HHIP: variants seen among roughly 807,000 people sequenced by gnomAD.
HHIP encodes the protein hedgehog-interacting protein.
Under a neutral mutation model 74.0 loss-of-function variants are expected in HHIP, and 12 were observed. The ratio of observed to expected loss-of-function variants is 0.16; its 90% CI spans 0.10 to 0.26. The LOEUF (loss-of-function observed/expected upper bound fraction) is 0.26. HHIP is among the 10% of genes least tolerant of loss of function. The probability of loss-of-function intolerance (pLI) is 1.00; values close to 1 mark genes in which losing one functional copy is unlikely to be tolerated. For synonymous variants in HHIP, 309 were observed against 311.6 expected, an observed-to-expected ratio of 0.99 and a Z score of 0.09; for missense variants, 788 against 845.0, an observed-to-expected ratio of 0.93 and a Z score of 0.84.
At chr4:144,714,983 CCT>C (rs938620239) in intron 9 of HHIP, 3 of 214,226 alleles carry the variant, frequency 1.4e-5, no homozygotes, top group African/African-American at 6.9e-5. Context: ...TTCCCCTGTT[CCT>C]CTCTCTGATT....
chr4:144,722,595 G>A (rs1343168566), intron 11 of HHIP, among the ~76,000 whole-genome samples: 1 of 152,154 alleles, frequency 6.6e-6, no homozygotes, highest in Non-Finnish European at 1.5e-5. Flanking sequence ...GCCCACGCCT[G>A]TAATCCCAGC....
In HHIP at chr4:144,707,236, A is replaced by T; in HGVS notation, c.1133A>T (p.Asp378Val). Reference protein sequence around the residue: ...ILGDGMITLDDMEEMDGLSDF... With the variant: ...ILGDGMITLDVMEEMDGLSDF... ...GGTGATGGGATGATTACACTGGATG[A>T]TATGGAAGAAATGGATGGGTTAAGG... The change falls in exon 6 of 13, where the codon GAT becomes GTT. Residue 378 changes from aspartate to valine, a missense_variant. Asp to Val is a radical substitution (Grantham distance 152). Transcript: ENST00000296575. 1 of 1,612,318 alleles carries T rather than the reference A, an allele frequency of 6.2e-7. No individual in the cohort carries two copies. Among genetic ancestry groups the T allele is most frequent in the Non-Finnish European group, 8.5e-7 (1 of 1,179,344 alleles).
intron 4 of HHIP, among the ~76,000 whole-genome samples, chr4:144,663,289 A>T (rs1728762799): frequency 6.6e-6 from 1 of 151,890 alleles, no homozygotes; most frequent in African/African-American, 2.4e-5. Flanking sequence ...GCGAGACTCC[A>T]TTTCAAAAAA....
At chr4:144,677,653 A>G (rs1729206926) in intron 4 of HHIP, among the ~76,000 whole-genome samples, 1 of 152,216 alleles carries the variant, frequency 6.6e-6, no homozygotes, top group South Asian at 2.1e-4. Context: ...CAATAACAAC[A>G]GACATTCACG....
chr4:144,718,849 C>T, intron 10 of HHIP, 26 bp from the exon 11 acceptor site: 1 of 1,448,242 alleles, frequency 6.9e-7, no homozygotes, highest in Non-Finnish European at 9.7e-7. Context: ...TATAAATTTG[C>T]TTATTGTTAT....
intron 4 of HHIP, among the ~76,000 whole-genome samples, chr4:144,696,953 A>G (rs1314848602): frequency 1.3e-5 from 2 of 151,924 alleles, no homozygotes; most frequent in Non-Finnish European, 2.9e-5. Context: ...TCTATTGGAG[A>G]CTTGCTCCTA....
At chr4:144,655,120 T>C (rs1728525474) in intron 2 of HHIP, 1 of 152,214 alleles carries the variant, frequency 6.6e-6, no homozygotes, top group Non-Finnish European at 1.5e-5. Flanking sequence ...ACCTATAAGA[T>C]AGCTACTTCC....
rs906612410 is a variant in HHIP at position 144,739,314 on chromosome 4, T to C, written c.*1357T>C. The C allele has an allele frequency of 1.3e-5, 2 of 152,158 alleles. No individual in the cohort carries two copies. Among genetic ancestry groups the C allele is most frequent in the African/African-American group, 4.8e-5 (2 of 41,436 alleles). 9.4% of individuals were successfully genotyped at this position (152,158 alleles called of 1,614,324 possible). A position where few individuals can be genotyped will look rare whatever the true frequency, so the allele number is the denominator to read the frequency against. On this transcript the variant is annotated 3_prime_UTR_variant, in exon 13 of 13. Transcript: ENST00000296575. Reference sequence around the variant, plus strand: ...GATTTTAACAAAATATAAGGCCTCTTTGCACTAGTGAAAAAACACGTCTAC... The same window carrying C: ...GATTTTAACAAAATATAAGGCCTCTCTGCACTAGTGAAAAAACACGTCTAC...
Position 144,707,369 on chromosome 4 carries a change from G to C in HHIP, c.1157+109G>C, listed in dbSNP as rs1730175436. The C allele has an allele frequency of 7.0e-6, 6 of 853,904 alleles. No individual in the cohort carries two copies. The South Asian group carries it at 1.1e-4, about 15-fold the overall frequency. The allele number at this position is 853,904 out of a possible 1,614,324, so 52.9% of individuals were successfully genotyped here. On this transcript the variant is annotated intron_variant, in intron 6 of 12. Coordinates refer to ENST00000296575, the MANE Select transcript of HHIP (RefSeq NM_022475.3). ...GAACCATCTTTGAATGGTCACCTTGGTTAAATACTTAACTTTTGTCATCAG... is the reference window on the plus strand; with the variant it reads ...GAACCATCTTTGAATGGTCACCTTGCTTAAATACTTAACTTTTGTCATCAG...
chr4:144,647,090 C>A (rs1341149732), intron 1 of HHIP, 136 bp downstream of exon 1: 1 of 688,620 alleles, frequency 1.5e-6, no homozygotes, highest in African/African-American at 1.8e-5. Context: ...TTTTCTATAG[C>A]GCTAACGTGA....
chr4:144,709,370 C>T (rs1203672062), intron 7 of HHIP, among the ~76,000 whole-genome samples: 2 of 152,104 alleles, frequency 1.3e-5, no homozygotes, highest in Non-Finnish European at 2.9e-5. Flanking sequence ...CACCACAAAG[C>T]AACACTTTGA....
intron 12 of HHIP, among the ~76,000 whole-genome samples, chr4:144,736,152 T>C (rs1017808106): frequency 1.3e-5 from 2 of 151,062 alleles, no homozygotes; most frequent in African/African-American, 4.9e-5. Flanking sequence ...TTTTTTTTTT[T>C]TGAGGTGGAG....
chr4:144,667,175 C>A (rs545738812), intron 4 of HHIP, among the ~76,000 whole-genome samples: 12 of 152,142 alleles, frequency 7.9e-5, no homozygotes, highest in African/African-American at 2.9e-4. Context: ...ATAGCGACAC[C>A]CCATCTTCTA....
chr4:144,649,448 T>G (rs1268037539), intron 1 of HHIP, among the ~76,000 whole-genome samples: 3 of 152,208 alleles, frequency 2.0e-5, no homozygotes, highest in Admixed American at 2.0e-4. Flanking sequence ...CATGGAATTA[T>G]GCTCTATTTT....
In HHIP at chr4:144,681,418, GTTCTTTT is replaced by G. The variant is rs1475724874; in HGVS notation, c.831+21583_831+21589del. Among the ~76,000 whole-genome samples the G allele has an allele frequency of 5.1e-5, 7 of 137,780 alleles. No individual in the cohort carries two copies. In the South Asian group the frequency reaches 1.7e-3, roughly 33 times the overall value. 90.4% of individuals were successfully genotyped at this position (137,780 alleles called of 152,430 possible). On this transcript the variant is annotated intron_variant, in intron 4 of 12. Coordinates refer to ENST00000296575, the MANE Select transcript of HHIP (RefSeq NM_022475.3). ...CTTCAAAAGTCTATCGGATTGCAGAGTTCTTTTTTTTTTTTTTTTTTTTTTGAGACAG... is the reference window on the plus strand; with the variant it reads ...CTTCAAAAGTCTATCGGATTGCAGAGTTTTTTTTTTTTTTTTTTGAGACAG...
In HHIP at chr4:144,646,226, G is replaced by T. The variant is rs912074081; in HGVS notation, c.-450G>T. The T allele has an allele frequency of 1.8e-5, 3 of 163,930 alleles. No individual in the cohort carries two copies. The highest frequency in any genetic ancestry group is 1.8e-4 in the East Asian group (1 of 5,486). 10.2% of individuals were successfully genotyped at this position (163,930 alleles called of 1,614,324 possible). A position where few individuals can be genotyped will look rare whatever the true frequency, so the allele number is the denominator to read the frequency against. ...CAGCATCATCTAGAGCCCAGCGCTG[G>T]CCCTGCCTCCGCCTGCCCCGCCGCC... On this transcript the variant is annotated 5_prime_UTR_variant, in exon 1 of 13. Transcript: ENST00000296575.
chr4:144,649,133 C>G (rs183684379), intron 1 of HHIP, among the ~76,000 whole-genome samples: 1 of 151,900 alleles, frequency 6.6e-6, no homozygotes, highest in African/African-American at 2.4e-5. Context: ...CCCTTTTTCC[C>G]GTAAGCCTTC....
In HHIP at chr4:144,647,636, C is replaced by A. The variant is rs541713086; in HGVS notation, c.279+682C>A. On this transcript the variant is annotated intron_variant, in intron 1 of 12. Coordinates refer to ENST00000296575, the MANE Select transcript of HHIP (RefSeq NM_022475.3). ...GTCAGTTGGTGTCTTGGAAGATCTA[C>A]TCTAAGAATTTGTTTTAAGAGTAAT... Among the ~76,000 whole-genome samples the A allele has an allele frequency of 7.9e-5, 12 of 152,310 alleles. No individual in the cohort carries two copies. The East Asian group carries it at 2.3e-3, about 29-fold the overall frequency.
At chr4:144,723,864 G>A (rs1249849501) in intron 11 of HHIP, among the ~76,000 whole-genome samples, 3 of 152,122 alleles carry the variant, frequency 2.0e-5, no homozygotes, top group Non-Finnish European at 4.4e-5. Context: ...AAGTCTAAGA[G>A]GCAAGGAAAC....
Sources: allele counts gnomAD v4.1 joint callset (sites outside exome capture counted in the v4.1 genomes callset), GRCh38; gene constraint gnomAD v4.1.1; transcripts MANE v1.5; gene names NCBI Gene and HGNC (gene_info 2026-07-23, HGNC 2026-07-21).